The following SEM1 variants were observed in gnomAD, a reference collection of about 807,000 sequenced individuals.
The protein encoded by SEM1 is 26S proteasome complex subunit SEM1.
SEM1 carries 3 observed loss-of-function variants against 12.7 expected under a neutral mutation model. That is an observed-to-expected ratio of 0.24 (90% CI 0.11 to 0.61). SEM1 has a LOEUF of 0.61. Ranked by LOEUF, SEM1 falls within the 20% of genes least tolerant of loss-of-function variation. SEM1 has a pLI of 0.88. For synonymous variants in SEM1, 30 were observed against 27.8 expected (o/e 1.08, Z -0.25); for missense variants, 59 against 81.3 (o/e 0.73, Z 1.06).
intron 2 of SEM1, among the ~76,000 whole-genome samples, chr7:96,682,888 G>A (rs1347579457): frequency 2.6e-5 from 4 of 152,116 alleles, no homozygotes; most frequent in Non-Finnish European, 5.9e-5. Flanking sequence ...ATCAAGAAGT[G>A]GGCAAAGGAT....
intron 2 of SEM1, among the ~76,000 whole-genome samples, chr7:96,564,896 A>G (rs1370750219): frequency 1.3e-5 from 2 of 152,080 alleles, no homozygotes; most frequent in Admixed American, 1.3e-4. Flanking sequence ...AAATTTTACA[A>G]AAAGTTGCAT....
chr7:96,693,043 T>C (rs1203930742), intron 2 of SEM1, among the ~76,000 whole-genome samples: 1 of 151,902 alleles, frequency 6.6e-6, no homozygotes, highest in Non-Finnish European at 1.5e-5. Context: ...AAAAAGTAGA[T>C]AGGTAAAATT....
At chr7:96,552,152 G>T (rs75819783) in intron 2 of SEM1, among the ~76,000 whole-genome samples, 5 of 152,136 alleles carry the variant, frequency 3.3e-5, no homozygotes, top group Non-Finnish European at 7.4e-5. Context: ...AGGGGTGGGA[G>T]CTGGGGCTAC....
exon 3 of SEM1, chr7:96,673,714 C>T (rs1584853393): frequency 1.3e-6 from 1 of 763,478 alleles, no homozygotes; most frequent in Non-Finnish European, 2.4e-6. Flanking sequence ...CATCCCAGCT[C>T]TTTACATTTA....
intron 1 of SEM1, among the ~76,000 whole-genome samples, chr7:96,699,505 G>A (rs1311973596): frequency 6.6e-6 from 1 of 152,154 alleles, no homozygotes; most frequent in Admixed American, 6.5e-5. Context: ...ACTGGTCAGA[G>A]GCTTAAAGCT....
intron 2 of SEM1, among the ~76,000 whole-genome samples, chr7:96,654,900 T>C (rs1286116846): frequency 6.6e-6 from 1 of 152,138 alleles, no homozygotes; most frequent in Non-Finnish European, 1.5e-5. Flanking sequence ...AGGTGTATGA[T>C]GTCGCAAGCT....
At chr7:96,506,126 T>C (rs1666889442) in intron 3 of SEM1, among the ~76,000 whole-genome samples, 1 of 152,128 alleles carries the variant, frequency 6.6e-6, no homozygotes, top group African/African-American at 2.4e-5. Flanking sequence ...CCTGAGTCCT[T>C]TTGAAATGAC....
chr7:96,516,855 C>T (rs1368142111), intron 2 of SEM1, among the ~76,000 whole-genome samples: 1 of 152,016 alleles, frequency 6.6e-6, no homozygotes, highest in Non-Finnish European at 1.5e-5. Context: ...AATAAGTAAA[C>T]TGTGTTGTGT....
At chr7:96,642,406 C>T (rs1411325799) in intron 2 of SEM1, among the ~76,000 whole-genome samples, 2 of 152,030 alleles carry the variant, frequency 1.3e-5, no homozygotes, top group Non-Finnish European at 2.9e-5. Context: ...AAACTTACTT[C>T]AATTACATCC....
At chr7:96,609,373 C>G (rs1807477242) in intron 2 of SEM1, among the ~76,000 whole-genome samples, 1 of 152,148 alleles carries the variant, frequency 6.6e-6, no homozygotes. Flanking sequence ...CCATACCATG[C>G]ATTGAGATAT....
At position 96,640,404 on chromosome 7, in the gene SEM1, G is replaced by T. The variant is rs528868228; in HGVS notation, c.171-17761C>A. On this transcript the variant is annotated intron_variant, in intron 2 of 2. Coordinates refer to the SEM1 transcript ENST00000417009. The surrounding 1 kb of genome is among the most constrained non-coding windows in gnomAD (Gnocchi z 4.0). ...CTATTTTCCAGTGCTAAAAAGAAATGAGCTACCAAGCCATGAAAAGACAAA... is the reference window on the plus strand; with the variant it reads ...CTATTTTCCAGTGCTAAAAAGAAATTAGCTACCAAGCCATGAAAAGACAAA... 6.6e-6 allele frequency among the ~76,000 whole-genome samples: 1 copy of T among 151,920 alleles called. No homozygotes were observed. Among genetic ancestry groups the T allele is most frequent in the Non-Finnish European group, 1.5e-5 (1 of 67,918 alleles).
At chr7:96,632,678 T>A (rs1210632133) in intron 2 of SEM1, among the ~76,000 whole-genome samples, 1 of 152,038 alleles carries the variant, frequency 6.6e-6, no homozygotes, top group African/African-American at 2.4e-5. Context: ...ATTCTGCACA[T>A]GTATCCCAGA....
intron 2 of SEM1, among the ~76,000 whole-genome samples, chr7:96,543,839 T>C (rs1805026113): frequency 6.6e-6 from 1 of 152,026 alleles, no homozygotes. Context: ...TTTCATTGCT[T>C]TGGATTTGCA....
Position 96,568,986 on chromosome 7 carries a change from A to G in SEM1, c.171-62288T>C, listed in dbSNP as rs574977840. 2.6e-5 allele frequency among the ~76,000 whole-genome samples: 4 copies of G among 152,032 alleles called. No individual in the cohort carries two copies. In the South Asian group the frequency reaches 8.3e-4, roughly 32 times the overall value. On this transcript the variant is annotated intron_variant and NMD_transcript_variant, in intron 2 of 3. Coordinates refer to the SEM1 transcript ENST00000466986. ...TATTTATTTTCTAGGACTATTGTGA[A>G]TGTGCAGACCTACATTTACTGCTAA...
intron 2 of SEM1, among the ~76,000 whole-genome samples, chr7:96,513,601 G>A (rs1377419808): frequency 3.9e-5 from 6 of 152,044 alleles, no homozygotes; most frequent in Non-Finnish European, 7.4e-5. Context: ...GGCTGAGGTG[G>A]GCAGATCACT....
intron 2 of SEM1, among the ~76,000 whole-genome samples, chr7:96,652,686 G>A (rs2116462232): frequency 6.6e-6 from 1 of 152,182 alleles, no homozygotes; most frequent in South Asian, 2.1e-4. Flanking sequence ...TTCATCTTCA[G>A]TTATGTTTCC....
At chr7:96,647,299 A>G (rs1808825128) in intron 2 of SEM1, 1 of 152,224 alleles carries the variant, frequency 6.6e-6, no homozygotes. Flanking sequence ...TGACAATTCC[A>G]TGAGATCATG....
chr7:96,602,847 T>C (rs1807234546), intron 2 of SEM1, among the ~76,000 whole-genome samples: 1 of 152,180 alleles, frequency 6.6e-6, no homozygotes, highest in African/African-American at 2.4e-5. Context: ...TTGCTCAGCT[T>C]TGAAATAGTA....
At chr7:96,625,108 G>C (rs10266604) in intron 2 of SEM1, among the ~76,000 whole-genome samples, 1,864 of 152,224 alleles carry the variant, frequency 0.012, 35 homozygotes, top group African/African-American at 0.043. Context: ...AGGAGGCTCA[G>C]GTGTGATTTT....
Sources: gnomAD v4.1 joint callset for allele counts (sites outside exome capture counted in the v4.1 genomes callset) on GRCh38, gnomAD v4.1.1 for gene constraint, Gnocchi (gnomAD v3.1) non-coding constraint, MANE v1.5 for transcripts, NCBI Gene and HGNC (gene_info 2026-07-23, HGNC 2026-07-21) for gene names.